The following CLECL1 variants were observed in gnomAD, a reference collection of about 807,000 sequenced individuals.
The protein encoded by CLECL1 is C-type lectin-like domain family 1.
chr12:9,717,784 C>T (rs911022890), downstream of CLECL1, among the ~76,000 whole-genome samples: 1 of 152,176 alleles, frequency 6.6e-6, no homozygotes, highest in African/African-American at 2.4e-5. Context: ...TCTTAACGAA[C>T]TTAGCTTTAC....
Position 9,727,063 on chromosome 12 carries a change from T to A in CLECL1, n.262+502A>T, listed in dbSNP as rs184430981. ...ATAATATTTTAATACAGAATTAAAA[T>A]GTAAATTAAAAAATTAAAATCAAAT... On this transcript the variant is annotated intron_variant and non_coding_transcript_variant, in intron 3 of 3. Coordinates refer to ENST00000621400, the Ensembl canonical transcript of CLECL1. Among the ~76,000 whole-genome samples the A allele has an allele frequency of 6.8e-3, 1,035 of 151,768 alleles. 14 individuals are homozygous for A. The highest frequency in any genetic ancestry group is 0.022 in the African/African-American group (922 of 41,536).
At chr12:9,704,246 A>G in the CLECL1 span, 6 of 152,332 alleles carry the variant, frequency 3.9e-5, no homozygotes, top group African/African-American at 1.4e-4. Flanking sequence ...AGAACTTCCA[A>G]TAAATATTTT....
At chr12:9,726,538 A>T (rs1490243493) in intron 3 of CLECL1, among the ~76,000 whole-genome samples, 1 of 152,040 alleles carries the variant, frequency 6.6e-6, no homozygotes, top group African/African-American at 2.4e-5. Flanking sequence ...CCCAGAAGGA[A>T]ACAAAGAGAA....
downstream of CLECL1, among the ~76,000 whole-genome samples, chr12:9,711,496 CAG>C (rs371774567): frequency 8.4e-3 from 1,102 of 130,776 alleles, 18 homozygotes; most frequent in African/African-American, 0.029. Flanking sequence ...TGCCTGGTTT[CAG>C]AGAGTAAGTT....
the CLECL1 span, among the ~76,000 whole-genome samples, chr12:9,709,657 C>T: frequency 1.3e-5 from 2 of 152,138 alleles, no homozygotes; most frequent in Non-Finnish European, 1.5e-5. Flanking sequence ...TCACATATAG[C>T]GTCAGGGAAG....
At chr12:9,722,803 G>A in exon 4 of CLECL1, 1 of 1,606,288 alleles carries the variant, frequency 6.2e-7, no homozygotes, top group Non-Finnish European at 8.5e-7. Flanking sequence ...CAGTAGAAAA[G>A]TTGAAAGAAA....
At chr12:9,715,343 A>T (rs1170034454), downstream of CLECL1, among the ~76,000 whole-genome samples, 1 of 152,094 alleles carries the variant, frequency 6.6e-6, no homozygotes, top group African/African-American at 2.4e-5. Context: ...TGTTCTAGCT[A>T]TTACTTTACT....
chr12:9,708,249 GTTCT>G, the CLECL1 span, among the ~76,000 whole-genome samples: 1 of 152,160 alleles, frequency 6.6e-6, no homozygotes. Context: ...TAAGCAAGTG[GTTCT>G]TCCCTCAGAA....
chr12:9,711,159 C>T (rs1303784455), downstream of CLECL1, among the ~76,000 whole-genome samples: 1 of 152,182 alleles, frequency 6.6e-6, no homozygotes, highest in Non-Finnish European at 1.5e-5. Flanking sequence ...GCCTGCCCGC[C>T]TGTAAGCTCC....
At chr12:9,717,357 C>T (rs11052658) in intron 2 of CLECL1, among the ~76,000 whole-genome samples, 6,156 of 152,270 alleles carry the variant, frequency 0.04, 202 homozygotes, top group Middle Eastern at 0.068. Context: ...AGACAACCTA[C>T]TGCATATGTT....
chr12:9,703,068 C>T, the CLECL1 span, among the ~76,000 whole-genome samples: 1 of 152,178 alleles, frequency 6.6e-6, no homozygotes, highest in African/African-American at 2.4e-5. Context: ...AACTACCTGA[C>T]CATCATTCAT....
chr12:9,708,298 G>C, the CLECL1 span, among the ~76,000 whole-genome samples: 1 of 152,122 alleles, frequency 6.6e-6, no homozygotes, highest in African/African-American at 2.4e-5. Context: ...CTATTTTTCT[G>C]TTTTTTAAGT....
chr12:9,722,840 A>C, intron 3 of CLECL1, 27 bp from the exon 2 acceptor site: 1 of 1,539,092 alleles, frequency 6.5e-7, no homozygotes, highest in Non-Finnish European at 8.9e-7. Context: ...TAAGCAATTA[A>C]AATCAATGTA....
upstream of CLECL1, chr12:9,733,369 CT>C: frequency 5.7e-6 from 4 of 701,944 alleles, no homozygotes; most frequent in Non-Finnish European, 9.4e-6. Context: ...CTATAGACCA[CT>C]TCCTCTTTTA....
chr12:9,705,822 T>G, the CLECL1 span, among the ~76,000 whole-genome samples: 4 of 152,140 alleles, frequency 2.6e-5, no homozygotes, highest in African/African-American at 9.7e-5. Flanking sequence ...AGTTTGAAAT[T>G]GGGTAGTGTG....
At chr12:9,721,512 T>C (rs1866312495), downstream of CLECL1, among the ~76,000 whole-genome samples, 1 of 152,246 alleles carries the variant, frequency 6.6e-6, no homozygotes, top group African/African-American at 2.4e-5. Context: ...TCCGTTAAAA[T>C]GTGTTGTCTT....
chr12:9,729,103 ATGTT>A (rs750382133), intron 2 of CLECL1, among the ~76,000 whole-genome samples: 2 of 152,074 alleles, frequency 1.3e-5, no homozygotes, highest in Non-Finnish European at 2.9e-5. Context: ...AAATTGGACT[ATGTT>A]TGGCTATGTC....
upstream of CLECL1, among the ~76,000 whole-genome samples, chr12:9,734,294 A>G (rs181943261): frequency 4.4e-4 from 67 of 152,266 alleles, no homozygotes; most frequent in African/African-American, 1.4e-3. Flanking sequence ...CTGACCCTGG[A>G]TGAGGCTTGA....
chr12:9,734,011 A>C (rs1866486174), upstream of CLECL1, among the ~76,000 whole-genome samples: 1 of 152,266 alleles, frequency 6.6e-6, no homozygotes, highest in Admixed American at 6.5e-5. Context: ...AGGAGAGCCT[A>C]GCTACCTGTG....
Sources: allele counts gnomAD v4.1 joint callset (sites outside exome capture counted in the v4.1 genomes callset), GRCh38; gene constraint gnomAD v4.1.1; transcripts MANE v1.5; gene names NCBI Gene and HGNC (gene_info 2026-07-23, HGNC 2026-07-21).